EPX: variants seen among roughly 807,000 people sequenced by gnomAD.
EPX encodes eosinophil peroxidase.
Under a neutral mutation model 73.0 loss-of-function variants are expected in EPX, and 60 were observed. The observed-to-expected ratio is 0.82, with a 90% CI of 0.67 to 1.02. The LOEUF is 1.02. Among genes scored for constraint, EPX ranks in the 50% least tolerant of loss-of-function variants. The pLI, the probability that EPX is intolerant of heterozygous loss-of-function variation, is 0.00. For synonymous variants in EPX, 347 were observed against 389.2 expected, an observed-to-expected ratio of 0.89 and a Z score of 1.28; for missense variants, 950 against 973.9, an observed-to-expected ratio of 0.98 and a Z score of 0.33.
chr17:58,203,306 G>T lies in EPX; in HGVS notation c.1934G>T (p.Arg645Leu). The T allele has an allele frequency of 6.2e-7, 1 of 1,611,616 alleles. No homozygotes were observed. The highest frequency in any genetic ancestry group is 1.1e-5 in the South Asian group (1 of 91,040). ...CLFENQFRRARDGDRFWWQKR... is the reference protein window; with the variant it reads ...CLFENQFRRALDGDRFWWQKR... ...TTCGAGAACCAGTTCAGAAGAGCCC[G>T]AGACGGAGACAGGTAAGTGACCCTA... Residue 645 changes from arginine (R) to leucine (L), a missense_variant, in exon 11 of 13, where the codon CGA (arginine) becomes CTA (leucine). Coordinates refer to ENST00000225371, the MANE Select transcript of EPX (RefSeq NM_000502.6).
At position 58,193,562 on chromosome 17, in the gene EPX, C is replaced by A. The variant is rs375607556; in HGVS notation, c.346+16C>A. 1 of 1,613,262 alleles carries A rather than the reference C, an allele frequency of 6.2e-7. No individual in the cohort carries two copies. The highest frequency in any genetic ancestry group is 8.5e-7 in the Non-Finnish European group (1 of 1,179,300). On this transcript the variant is annotated intron_variant, in intron 3 of 12. Coordinates refer to ENST00000225371, the MANE Select transcript of EPX (RefSeq NM_000502.6). Reference sequence around the variant, plus strand: ...AATGTCACTGGTACTCTGATCCCCACTGAGCCCGCTGGGCCTACCCTGGCC... The same window carrying A: ...AATGTCACTGGTACTCTGATCCCCAATGAGCCCGCTGGGCCTACCCTGGCC...
rs1003830294 is a variant in EPX at position 58,199,780 on chromosome 17, G to A, written c.1523G>A (p.Arg508Gln). ...PLSSAFFASW[R>Q]IVYEGGIDPI... Reference sequence around the variant, plus strand: ...AGCTCTGCCTTCTTTGCCAGCTGGCGGATCGTGTATGAAGGTGACCAGGTT... The same window carrying A: ...AGCTCTGCCTTCTTTGCCAGCTGGCAGATCGTGTATGAAGGTGACCAGGTT... The change falls in exon 9 of 13, where the codon CGG (arginine) becomes CAG (glutamine). Residue 508 changes from arginine to glutamine, a missense_variant. Physicochemically the swap from Arg to Gln is conservative, Grantham distance 43. Transcript: ENST00000225371. 18 of 1,613,792 alleles carry A rather than the reference G, an allele frequency of 1.1e-5. No homozygotes were observed. Among genetic ancestry groups the A allele is most frequent in the African/African-American group, 2.7e-5 (2 of 74,816 alleles).
In EPX at chr17:58,203,244, GC is replaced by G; in HGVS notation, c.1874del (p.Pro625ArgfsTer42). Reference protein sequence around the residue: ...WIGAIAEPLLPGARVGPLLAC... With the variant: ...WIGAIAEPLLXGARVGPLLAC... The stretch of plus-strand genomic sequence containing the variant: ...TTGGGGCCATCGCTGAGCCTCTTTT[GC>G]CGGGGGCTCGAGTGGGGCCTCTTCT... On this transcript the variant is annotated frameshift_variant, in exon 11 of 13. Coordinates refer to ENST00000225371, the MANE Select transcript of EPX (RefSeq NM_000502.6). LOFTEE classifies it high-confidence loss of function. The G allele has an allele frequency of 6.2e-7, 1 of 1,614,216 alleles. No homozygotes were observed. Among genetic ancestry groups the G allele is most frequent in the Non-Finnish European group, 8.5e-7 (1 of 1,180,030 alleles).
At chr17:58,195,745 TACAC>T (rs896094122) in intron 6 of EPX, among the ~76,000 whole-genome samples, 16 of 152,058 alleles carry the variant, frequency 1.1e-4, no homozygotes, top group Non-Finnish European at 5.9e-5. Flanking sequence ...CACACACATG[TACAC>T]ACACAGTCAC....
At chr17:58,204,639 T>A in intron 12 of EPX, 97 bp from the exon 13 acceptor site, 4 of 586,974 alleles carry the variant, frequency 6.8e-6, no homozygotes, top group Non-Finnish European at 1.2e-5. Context: ...ATTAGGAGCA[T>A]CCAACTATCC....
intron 3 of EPX, 74 bp downstream of exon 3, chr17:58,193,620 G>C: frequency 6.4e-7 from 1 of 1,574,586 alleles, no homozygotes; most frequent in Non-Finnish European, 8.7e-7. Flanking sequence ...AGGGAGGCAG[G>C]GTGCACAGGT....
In EPX at chr17:58,199,566, CT is replaced by C. The variant is rs746106312; in HGVS notation, c.1310del (p.Leu437ArgfsTer93). The C allele has an allele frequency of 8.7e-6, 14 of 1,614,232 alleles. No homozygotes were observed. The highest frequency in any genetic ancestry group is 1.0e-5 in the Non-Finnish European group (12 of 1,180,028). On this transcript the variant is annotated frameshift_variant, in exon 9 of 13. Transcript: ENST00000225371. LOFTEE classifies it high-confidence loss of function. ...QIITYRDFLP[L>X]VLGKARARRT... ...CATCACCTACCGAGACTTTCTGCCC[CT>C]GGTTCTGGGCAAGGCCCGGGCCAGG...
At chr17:58,201,201 T>C (rs541628833) in intron 10 of EPX, among the ~76,000 whole-genome samples, 1 of 152,340 alleles carries the variant, frequency 6.6e-6, no homozygotes, top group African/African-American at 2.4e-5. Context: ...CATCTGCCCA[T>C]GTATGAAGCA....
At position 58,199,809 on chromosome 17, in the gene EPX, C is replaced by T. The variant is rs1968315381; in HGVS notation, c.1537+15C>T. The T allele has an allele frequency of 5.6e-6, 9 of 1,598,574 alleles. No individual in the cohort carries two copies. The highest frequency in any genetic ancestry group is 7.7e-6 in the Non-Finnish European group (9 of 1,171,836). On this transcript the variant is annotated intron_variant, in intron 9 of 12. Coordinates refer to ENST00000225371, the MANE Select transcript of EPX (RefSeq NM_000502.6). The stretch of plus-strand genomic sequence containing the variant: ...CGTGTATGAAGGTGACCAGGTTTTC[C>T]AGGGGGCAAATGGGGGTGAGGGTGG...
In EPX at chr17:58,199,536, C is replaced by T. The variant is rs765079915; in HGVS notation, c.1282-3C>T. 4.3e-6 allele frequency: 7 copies of T among 1,614,016 alleles called. No individual in the cohort carries two copies. The highest frequency in any genetic ancestry group is 5.9e-6 in the Non-Finnish European group (7 of 1,180,034). ...GGAATGTTCCTCCTGTCTTCCCTTC[C>T]AGATCATCACCTACCGAGACTTTCT... On this transcript the variant is annotated splice_region_variant and splice_polypyrimidine_tract_variant and intron_variant, in intron 8 of 12. Transcript: ENST00000225371.
intron 9 of EPX, among the ~76,000 whole-genome samples, 189 bp from the exon 10 acceptor site, chr17:58,200,036 T>C (rs906726992): frequency 1.3e-5 from 2 of 152,222 alleles, no homozygotes; most frequent in Non-Finnish European, 2.9e-5. Context: ...GGAGCTCACC[T>C]TCCATTCCTT....
chr17:58,192,952 G>A (rs1215075762), intron 1 of EPX, 30 bp downstream of exon 1: 1 of 1,609,690 alleles, frequency 6.2e-7, no homozygotes. Flanking sequence ...GCAAGGAGGA[G>A]GGAGGGGAAA....
At position 58,194,101 on chromosome 17, in the gene EPX, G is replaced by C. The variant is rs371602457; in HGVS notation, c.594+9G>C. On this transcript the variant is annotated intron_variant, in intron 5 of 12. Transcript: ENST00000225371. ...GCTTCCTTCTCCCTCTTGTGAGTTG[G>C]GGCTGAGGGTTTGGGAGGTTGCTTG... The C allele has an allele frequency of 1.2e-6, 2 of 1,612,924 alleles. No homozygotes were observed. Among genetic ancestry groups the C allele is most frequent in the Non-Finnish European group, 1.7e-6 (2 of 1,179,950 alleles).
intron 3 of EPX, 67 bp downstream of exon 3, chr17:58,193,613 G>A: frequency 6.3e-7 from 1 of 1,580,282 alleles, no homozygotes; most frequent in South Asian, 1.1e-5. Context: ...CCAGGAGAGG[G>A]AGGCAGGGTG....
Position 58,197,019 on chromosome 17 carries a change from C to T in EPX, c.882C>T (p.Asn294=), listed in dbSNP as rs139297305. ...GCTCGGCACCCTCATGCCCCCAAAA[C>T]AAGAACAGAGTCCGCAACCAGATCA... ...FFRSAPSCPQ[N]KNRVRNQINA... Residue 294 remains asparagine (N), a synonymous_variant, in exon 7 of 13, where the codon AAC becomes AAT. Transcript: ENST00000225371. The T allele has an allele frequency of 8.7e-6, 14 of 1,614,068 alleles. No homozygotes were observed. Among genetic ancestry groups the T allele is most frequent in the Middle Eastern group, 1.6e-4 (1 of 6,084 alleles).
At chr17:58,200,950 T>C (rs34409274) in intron 10 of EPX, among the ~76,000 whole-genome samples, 40,941 of 152,126 alleles carry the variant, frequency 0.27, 6,284 homozygotes, top group African/African-American at 0.42. Flanking sequence ...TTTATTTTGT[T>C]CTCCCAATCA....
chr17:58,194,223 A>G (rs1968223841), intron 5 of EPX, 131 bp downstream of exon 5: 3 of 893,056 alleles, frequency 3.4e-6, no homozygotes, highest in Admixed American at 4.0e-5. Context: ...CTTGAGGCAA[A>G]TAACACAGCT....
In EPX at chr17:58,197,046, C is replaced by T. The variant is rs138295034; in HGVS notation, c.909C>T (p.Asn303=). Residue 303 remains asparagine (N), a synonymous_variant, in exon 7 of 13, where the codon AAC becomes AAT. Coordinates refer to ENST00000225371, the MANE Select transcript of EPX (RefSeq NM_000502.6). ...QNKNRVRNQI[N]ALTSFVDASM... ...AGAACAGAGTCCGCAACCAGATCAA[C>T]GCGCTCACCTCCTTTGTGGACGCCA... The T allele has an allele frequency of 5.2e-4, 837 of 1,614,192 alleles. 13 individuals are homozygous for T. In the East Asian group the frequency reaches 0.014, roughly 27 times the overall value.
Position 58,193,698 on chromosome 17 carries a change from A to G in EPX, c.347-16A>G, listed in dbSNP as rs2143704145. 1.3e-6 allele frequency: 2 copies of G among 1,597,594 alleles called. No homozygotes were observed. Among genetic ancestry groups the G allele is most frequent in the East Asian group, 2.2e-5 (1 of 44,822 alleles). On this transcript the variant is annotated splice_polypyrimidine_tract_variant and intron_variant, in intron 3 of 12. Coordinates refer to ENST00000225371, the MANE Select transcript of EPX (RefSeq NM_000502.6). ...AGAGCAGGCCAGCTCAGGTCTGCCC[A>G]TTTGCCTTCCCACAGATGTGCTAAC...
Sources: allele counts gnomAD v4.1 joint callset (sites outside exome capture counted in the v4.1 genomes callset), GRCh38; gene constraint gnomAD v4.1.1; transcripts MANE v1.5; gene names NCBI Gene and HGNC (gene_info 2026-07-23, HGNC 2026-07-21).